Variants in CDKL3 observed in about 807,000 individuals in gnomAD.
CDKL3 encodes the protein cyclin-dependent kinase-like 3.
CDKL3 carries 65 observed loss-of-function variants against 69.3 expected under a neutral mutation model. That is an observed-to-expected ratio of 0.94 (90% CI 0.77 to 1.15). The LOEUF (loss-of-function observed/expected upper bound fraction) is 1.15. Ranked by LOEUF, CDKL3 falls within the 50% of genes most tolerant of loss-of-function variation. CDKL3 has a pLI of 0.00. For synonymous variants in CDKL3, 202 were observed against 221.6 expected (o/e 0.91, Z 0.79); for missense variants, 652 against 689.2 (o/e 0.95, Z 0.61).
intron 3 of CDKL3, 35 bp downstream of exon 3, chr5:134,359,862 T>G: frequency 7.4e-7 from 1 of 1,359,150 alleles, no homozygotes; most frequent in Non-Finnish European, 1.0e-6. Context: ...TGATTCATAT[T>G]CATCCTACAA....
chr5:134,326,823 A>G (rs1212019157), intron 4 of CDKL3, among the ~76,000 whole-genome samples: 3 of 105,062 alleles, frequency 2.9e-5, no homozygotes, highest in African/African-American at 1.1e-4. Flanking sequence ...GTGTGTATAT[A>G]TATATATATA....
chr5:134,305,794 T>A (rs1767654643), intron 10 of CDKL3, among the ~76,000 whole-genome samples: 1 of 152,214 alleles, frequency 6.6e-6, no homozygotes, highest in Admixed American at 6.5e-5. Context: ...TTTGAATAAA[T>A]CAATTTCCTA....
intron 4 of CDKL3, among the ~76,000 whole-genome samples, chr5:134,330,606 T>C (rs1775542050): frequency 6.6e-6 from 1 of 152,092 alleles, no homozygotes; most frequent in African/African-American, 2.4e-5. Flanking sequence ...TCCCAGCTAC[T>C]TGGGAGGCTG....
intron 3 of CDKL3, among the ~76,000 whole-genome samples, chr5:134,355,474 C>T (rs908847400): frequency 2.0e-5 from 3 of 151,876 alleles, no homozygotes; most frequent in South Asian, 4.1e-4. Context: ...AAAGATAAAT[C>T]CAGGAAGATA....
At chr5:134,289,899 C>T (rs575480037) in intron 8 of CDKL3, among the ~76,000 whole-genome samples, 15 of 152,230 alleles carry the variant, frequency 9.9e-5, no homozygotes, top group South Asian at 2.1e-4. Context: ...TCTACCCCAC[C>T]GGTAAAATTA....
At chr5:134,337,142 G>A (rs1777326106) in intron 4 of CDKL3, among the ~76,000 whole-genome samples, 1 of 152,238 alleles carries the variant, frequency 6.6e-6, no homozygotes, top group Non-Finnish European at 1.5e-5. Context: ...CCATGGGCAT[G>A]GGACCTGCTG....
rs1164800558 is a variant in CDKL3, at chr5:134,326,817, GTATATATATATA to G, written c.540-4926_540-4915del. 1.8e-3 allele frequency among the ~76,000 whole-genome samples: 212 copies of G among 120,414 alleles called. 2 individuals are homozygous for G. The highest frequency in any genetic ancestry group is 6.7e-3 in the African/African-American group (188 of 27,978). 79.0% of individuals were successfully genotyped at this position (120,414 alleles called of 152,430 possible). A position where few individuals can be genotyped will look rare whatever the true frequency, so the allele number is the denominator to read the frequency against. ...TGTGTGTATATATATATATGTGTGT[GTATATATATATA>G]TATATATATATATATATATATATAT... On this transcript the variant is annotated intron_variant, in intron 4 of 12. Coordinates refer to ENST00000265334, the MANE Select transcript of CDKL3 (RefSeq NM_001113575.2).
chr5:134,353,837 C>T (rs1005577519), intron 3 of CDKL3, among the ~76,000 whole-genome samples: 5 of 152,088 alleles, frequency 3.3e-5, no homozygotes, highest in Admixed American at 6.5e-5. Context: ...GGATTACAGG[C>T]GTGAGCCACC....
intron 4 of CDKL3, among the ~76,000 whole-genome samples, chr5:134,343,703 C>T (rs541415774): frequency 2.6e-5 from 4 of 152,202 alleles, no homozygotes; most frequent in South Asian, 4.2e-4. Context: ...ATCTCATGGC[C>T]GCCCCAGACC....
At chr5:134,371,344 G>A (rs1758381255), upstream of CDKL3, 2 of 595,806 alleles carry the variant, frequency 3.4e-6, no homozygotes, top group Non-Finnish European at 3.0e-6. Context: ...CCCCGCTGAA[G>A]GGCTCGGGGA....
intron 10 of CDKL3, among the ~76,000 whole-genome samples, chr5:134,305,455 G>A (rs980495905): frequency 3.3e-5 from 5 of 152,056 alleles, no homozygotes; most frequent in Non-Finnish European, 7.3e-5. Flanking sequence ...ACTATTCACT[G>A]CACTCTGACT....
At chr5:134,286,511 T>C in exon 9 of CDKL3, 1 of 173,778 alleles carries the variant, frequency 5.8e-6, no homozygotes, top group Non-Finnish European at 1.2e-5. Flanking sequence ...ACTCTACTGG[T>C]ACCAATTCAC....
At chr5:134,302,868 C>G (rs964608792) in intron 11 of CDKL3, among the ~76,000 whole-genome samples, 181 bp from the exon 12 acceptor site, 3 of 151,954 alleles carry the variant, frequency 2.0e-5, no homozygotes, top group Admixed American at 6.6e-5. Context: ...TATAACTTTA[C>G]AAATAGTCTA....
intron 3 of CDKL3, 70 bp downstream of exon 3, chr5:134,359,827 T>C: frequency 1.0e-6 from 1 of 999,462 alleles, no homozygotes; most frequent in South Asian, 1.6e-5. Flanking sequence ...TTCATAAAAA[T>C]AAAACAATGT....
chr5:134,311,661 T>C (rs1270700517), intron 7 of CDKL3, among the ~76,000 whole-genome samples: 4 of 152,136 alleles, frequency 2.6e-5, no homozygotes, highest in African/African-American at 9.7e-5. Flanking sequence ...AGCTAAGAAG[T>C]ATTGATTGCT....
chr5:134,367,352 T>C (rs1372710133), upstream of CDKL3: 1 of 962,664 alleles, frequency 1.0e-6, no homozygotes, highest in South Asian at 4.8e-5. Flanking sequence ...TGAATGTGGA[T>C]AGGAAGGATC....
chr5:134,362,925 G>A (rs114290178), intron 2 of CDKL3, among the ~76,000 whole-genome samples: 2,990 of 152,212 alleles, frequency 0.02, 112 homozygotes, highest in African/African-American at 0.068. Flanking sequence ...GAGTAAGACT[G>A]TCTCAGAACA....
intron 3 of CDKL3, among the ~76,000 whole-genome samples, chr5:134,354,685 A>G (rs1754127762): frequency 1.3e-5 from 2 of 152,238 alleles, no homozygotes; most frequent in South Asian, 4.1e-4. Context: ...GCGGTGGCTC[A>G]CGCCTGTAAT....
At chr5:134,366,717 T>A (rs1041497532) in intron 1 of CDKL3, among the ~76,000 whole-genome samples, 173 bp from the exon 2 acceptor site, 1 of 151,678 alleles carries the variant, frequency 6.6e-6, no homozygotes, top group Non-Finnish European at 1.5e-5. Context: ...TAAAGACAGC[T>A]TGAGTAAGGT....
Sources: gnomAD v4.1 joint callset for allele counts (sites outside exome capture counted in the v4.1 genomes callset) on GRCh38, gnomAD v4.1.1 for gene constraint, MANE v1.5 for transcripts, NCBI Gene and HGNC (gene_info 2026-07-23, HGNC 2026-07-21) for gene names.